The following PKN2 variants were observed in gnomAD, a reference collection of about 807,000 sequenced individuals.
The protein encoded by PKN2 is protein kinase N2.
Under a neutral mutation model 119.1 loss-of-function variants are expected in PKN2, and 38 were observed. The ratio of observed to expected loss-of-function variants is 0.32; its 90% CI spans 0.25 to 0.42. PKN2 has a LOEUF of 0.42. Ranked by LOEUF, PKN2 falls within the 10% of genes least tolerant of loss-of-function variation. The pLI, the probability that PKN2 is intolerant of heterozygous loss-of-function variation, is 1.00. For missense variants in PKN2, 850 were observed against 1,165.1 expected, an observed-to-expected ratio of 0.73 and a Z score of 3.94; for synonymous variants, 390 against 384.9, an observed-to-expected ratio of 1.01 and a Z score of -0.15.
At chr1:88,712,611 G>A (rs577862088) in intron 1 of PKN2, among the ~76,000 whole-genome samples, 1 of 152,204 alleles carries the variant, frequency 6.6e-6, no homozygotes, top group South Asian at 2.1e-4. Flanking sequence ...AATACTCAGG[G>A]TGTGTTATAA....
rs1670500044 is a variant in PKN2 at position 88,784,725 on chromosome 1, G to T, written c.1072G>T (p.Gly358Cys). The change falls in exon 7 of 22, where the codon GGT (glycine) becomes TGT (cysteine). Residue 358 changes from glycine (G) to cysteine (C), a missense_variant. Gly to Cys is a radical substitution (Grantham distance 159). Coordinates refer to ENST00000370521, the MANE Select transcript of PKN2 (RefSeq NM_006256.4). Reference sequence around the variant, plus strand: ...AAAAGCAACATCAGTTGCACTGCCTGGTTGGAGTCCAAGTGAAACCAGATC... The same window carrying T: ...AAAAGCAACATCAGTTGCACTGCCTTGTTGGAGTCCAAGTGAAACCAGATC... ...RSKATSVALP[G>C]WSPSETRSSF... 1.2e-6 allele frequency: 2 copies of T among 1,612,412 alleles called. No individual in the cohort carries two copies. Among genetic ancestry groups the T allele is most frequent in the Non-Finnish European group, 1.7e-6 (2 of 1,178,816 alleles).
In PKN2 at chr1:88,836,028, GC is replaced by G. The variant is rs1312174931; in HGVS notation, c.*2581del. ...GTATTCTGCTCCTGTAAGGTCAGTA[GC>G]ATCTTTTATTTGAAGCATATTTATG... On this transcript the variant is annotated 3_prime_UTR_variant, in exon 22 of 22. Coordinates refer to ENST00000370521, the MANE Select transcript of PKN2 (RefSeq NM_006256.4). 2 of 152,008 alleles carry G rather than the reference GC, an allele frequency of 1.3e-5. No homozygotes were observed. Among genetic ancestry groups the G allele is most frequent in the African/African-American group, 4.8e-5 (2 of 41,408 alleles). 9.4% of individuals were successfully genotyped at this position (152,008 alleles called of 1,614,324 possible).
At chr1:88,793,458 A>G (rs1670931072) in intron 8 of PKN2, among the ~76,000 whole-genome samples, 1 of 152,090 alleles carries the variant, frequency 6.6e-6, no homozygotes. Context: ...TCAAACTTGT[A>G]TTGTTCATAG....
intron 2 of PKN2, among the ~76,000 whole-genome samples, chr1:88,743,385 A>G (rs1668649893): frequency 6.6e-6 from 1 of 152,090 alleles, no homozygotes; most frequent in East Asian, 1.9e-4. Flanking sequence ...AACCCTGGCC[A>G]TAGGAACCCG....
chr1:88,714,637 T>G (rs960178601), intron 1 of PKN2, among the ~76,000 whole-genome samples: 3 of 152,214 alleles, frequency 2.0e-5, no homozygotes, highest in Non-Finnish European at 4.4e-5. Context: ...ATCCTGAGAC[T>G]GCTAAAGTTA....
At chr1:88,694,657 A>G (rs1418992768) in intron 1 of PKN2, among the ~76,000 whole-genome samples, 1 of 152,168 alleles carries the variant, frequency 6.6e-6, no homozygotes, top group Non-Finnish European at 1.5e-5. Flanking sequence ...TGGTAAGAAT[A>G]TATTTAGATT....
intron 12 of PKN2, among the ~76,000 whole-genome samples, chr1:88,806,525 A>G (rs1018284839): frequency 7.2e-5 from 11 of 152,150 alleles, no homozygotes; most frequent in African/African-American, 2.6e-4. Context: ...TTGGTAGGAG[A>G]CAACCAACTT....
chr1:88,756,127 G>C (rs1338159918), intron 2 of PKN2, among the ~76,000 whole-genome samples: 1 of 151,970 alleles, frequency 6.6e-6, no homozygotes, highest in African/African-American at 2.4e-5. Context: ...GGCCAGGATG[G>C]TCTTGATCTC....
intron 19 of PKN2, among the ~76,000 whole-genome samples, chr1:88,831,562 CT>C (rs773004803): frequency 3.3e-5 from 5 of 151,900 alleles, no homozygotes; most frequent in Admixed American, 6.6e-5. Context: ...GTTTTGGTAA[CT>C]GTAAGCTTTG....
chr1:88,734,255 T>A (rs1286720045), intron 1 of PKN2, among the ~76,000 whole-genome samples: 1 of 152,184 alleles, frequency 6.6e-6, no homozygotes, highest in Non-Finnish European at 1.5e-5. Context: ...TCAGGTTTTG[T>A]CCAAAATATT....
At chr1:88,787,808 T>C (rs1670642742) in intron 8 of PKN2, among the ~76,000 whole-genome samples, 2 of 152,256 alleles carry the variant, frequency 1.3e-5, no homozygotes, top group Non-Finnish European at 2.9e-5. Context: ...GCAGGTCCTC[T>C]AGGTTCTTGA....
intron 1 of PKN2, among the ~76,000 whole-genome samples, chr1:88,723,302 G>A (rs376562636): frequency 2.0e-5 from 3 of 151,862 alleles, no homozygotes; most frequent in Admixed American, 6.6e-5. Context: ...CAGTAGAGAC[G>A]GGGTTTCACC....
intron 6 of PKN2, among the ~76,000 whole-genome samples, chr1:88,776,056 C>T (rs1380531663): frequency 2.3e-4 from 34 of 149,600 alleles, no homozygotes; most frequent in African/African-American, 7.9e-4. Flanking sequence ...GGCAGCGAGC[C>T]GAGATCGTGC....
At chr1:88,760,986 C>T (rs1037966413) in intron 3 of PKN2, among the ~76,000 whole-genome samples, 1 of 151,956 alleles carries the variant, frequency 6.6e-6, no homozygotes, top group African/African-American at 2.4e-5. Context: ...GACCACTCTC[C>T]CAAGTGTTTG....
In PKN2 at chr1:88,710,802, A is replaced by G. The variant is rs185963123; in HGVS notation, c.48+26174A>G. Among the ~76,000 whole-genome samples, 5 of 152,332 alleles carry G rather than the reference A, an allele frequency of 3.3e-5. No homozygotes were observed. In the East Asian group the frequency reaches 7.7e-4, roughly 23 times the overall value. On this transcript the variant is annotated intron_variant, in intron 1 of 21. Transcript: ENST00000370521. ...AACTAGCAATTTCATTATTTTGTAT[A>G]TACCCGAAGGAATATAAATCATTCT... is the stretch of plus-strand genomic sequence containing the variant.
At chr1:88,710,763 C>T (rs1001796338) in intron 1 of PKN2, among the ~76,000 whole-genome samples, 1 of 152,176 alleles carries the variant, frequency 6.6e-6, no homozygotes, top group African/African-American at 2.4e-5. Flanking sequence ...GACCTAAAGA[C>T]AGAAATACCA....
intron 3 of PKN2, among the ~76,000 whole-genome samples, chr1:88,761,030 C>T (rs1179897674): frequency 6.6e-6 from 1 of 152,036 alleles, no homozygotes; most frequent in South Asian, 2.1e-4. Context: ...GACATTTTGG[C>T]GTCATCAATA....
chr1:88,776,781 A>G (rs1166895535), intron 6 of PKN2, among the ~76,000 whole-genome samples: 1 of 150,360 alleles, frequency 6.7e-6, no homozygotes, highest in African/African-American at 2.4e-5. Flanking sequence ...CCAGGCCTTT[A>G]TGTTTTGTGA....
chr1:88,833,565 A>G lies in PKN2; in HGVS notation c.*117A>G. The G allele has an allele frequency of 2.7e-6, 2 of 730,298 alleles. No individual in the cohort carries two copies. Among genetic ancestry groups the G allele is most frequent in the Admixed American group, 2.7e-5 (1 of 37,092 alleles). The allele number at this position is 730,298 out of a possible 1,614,324, so 45.2% of individuals were successfully genotyped here. On this transcript the variant is annotated 3_prime_UTR_variant, in exon 22 of 22. Transcript: ENST00000370521. ...TGAGTTTTTTGTTGTTGTTGTTTTT[A>G]TTGAAACACGTGAAGATTTGTTTAA...
Sources: gnomAD v4.1 joint callset for allele counts (sites outside exome capture counted in the v4.1 genomes callset) on GRCh38, gnomAD v4.1.1 for gene constraint, MANE v1.5 for transcripts, NCBI Gene and HGNC (gene_info 2026-07-23, HGNC 2026-07-21) for gene names.